The following RWDD1 variants were observed in gnomAD, a reference collection of about 807,000 sequenced individuals.
RWDD1 encodes the protein RWD domain containing 1, also known as RWD domain-containing protein 1.
A neutral mutation model predicts 31.6 loss-of-function variants in RWDD1; 17 were observed. The observed-to-expected ratio is 0.54, with a 90% CI of 0.37 to 0.81. The LOEUF (loss-of-function observed/expected upper bound fraction) is 0.81, where lower values mean the gene tolerates loss of function less well. Among genes scored for constraint, RWDD1 ranks in the 30% least tolerant of loss-of-function variants. The probability of loss-of-function intolerance (pLI) is 0.00; values close to 1 mark genes in which losing one functional copy is unlikely to be tolerated. For synonymous variants in RWDD1, 78 were observed against 94.2 expected, an observed-to-expected ratio of 0.83 and a Z score of 0.99; for missense variants, 204 against 274.5, an observed-to-expected ratio of 0.74 and a Z score of 1.82.
At position 116,590,362 on chromosome 6, in the gene RWDD1, A is replaced by G. The variant is rs766664683; in HGVS notation, c.505A>G (p.Arg169Gly). 4 of 1,595,150 alleles carry G rather than the reference A, an allele frequency of 2.5e-6. No individual in the cohort carries two copies. The highest frequency in any genetic ancestry group is 2.3e-5 in the East Asian group (1 of 44,410). Residue 169 changes from arginine (R) to glycine (G), a missense_variant, in exon 5 of 7, where the codon AGG (arginine) becomes GGG (glycine). Coordinates refer to ENST00000466444, the MANE Select transcript of RWDD1 (RefSeq NM_015952.4). Reference protein sequence around the residue: ...DAELLEIKKKRMKEEEQAGKN... With the variant: ...DAELLEIKKKGMKEEEQAGKN... ...AGAACTCTTGGAAATTAAAAAGAAA[A>G]GGATGAAAGAAGAAGAACAAGCAGG...
In RWDD1 at chr6:116,574,584, G is replaced by T. The variant is rs140677601; in HGVS notation, c.73+2929G>T. Reference sequence around the variant, plus strand: ...CTGTTTTTGACAAATCTTTAATTCTGTCACTTTCACCACCATCTGTCCCCT... The same window carrying T: ...CTGTTTTTGACAAATCTTTAATTCTTTCACTTTCACCACCATCTGTCCCCT... On this transcript the variant is annotated intron_variant, in intron 1 of 6. Coordinates refer to ENST00000466444, the MANE Select transcript of RWDD1 (RefSeq NM_015952.4). Among the ~76,000 whole-genome samples the T allele has an allele frequency of 1.7e-3, 264 of 152,068 alleles. 1 individual carries two copies. The highest frequency in any genetic ancestry group is 3.4e-3 in the Non-Finnish European group (228 of 67,972).
chr6:116,579,256 A>G (rs1360655939), intron 1 of RWDD1, among the ~76,000 whole-genome samples: 3 of 152,188 alleles, frequency 2.0e-5, no homozygotes, highest in African/African-American at 7.2e-5. Flanking sequence ...TCCCATGATT[A>G]CTTCTTCAGT....
Position 116,593,175 on chromosome 6 carries a change from C to CT in RWDD1, c.*77dup. ...CTATGCTCAGAGGGTTATGATTTTC[C>CT]TTTCTTTTTTTCTAAGAAAAAATTA... On this transcript the variant is annotated 3_prime_UTR_variant, in exon 7 of 7. Coordinates refer to ENST00000466444, the MANE Select transcript of RWDD1 (RefSeq NM_015952.4). 1.4e-6 allele frequency: 2 copies of CT among 1,398,260 alleles called. No individual in the cohort carries two copies. Among genetic ancestry groups the CT allele is most frequent in the Non-Finnish European group, 1.9e-6 (2 of 1,053,908 alleles). 86.6% of individuals were successfully genotyped at this position (1,398,260 alleles called of 1,614,324 possible). A position where few individuals can be genotyped will look rare whatever the true frequency, so the allele number is the denominator to read the frequency against.
Position 116,588,845 on chromosome 6 carries a change from G to A in RWDD1, c.274G>A (p.Glu92Lys). The A allele has an allele frequency of 1.3e-6, 2 of 1,537,914 alleles. No individual in the cohort carries two copies. The highest frequency in any genetic ancestry group is 8.7e-7 in the Non-Finnish European group (1 of 1,152,438). The stretch of plus-strand genomic sequence containing the variant: ...ATCACCTTTTTGTGTTACACAGGCT[G>A]AAGAAAATCTTGGTATGGTGATGAT... Reference protein sequence around the residue: ...DILKLLALQAEENLGMVMIFT... With the variant: ...DILKLLALQAKENLGMVMIFT... The change falls in exon 4 of 7, where the codon GAA becomes AAA. Residue 92 changes from glutamate (E) to lysine (K), a missense_variant. Coordinates refer to ENST00000466444, the MANE Select transcript of RWDD1 (RefSeq NM_015952.4).
Position 116,590,879 on chromosome 6 carries a change from T to C in RWDD1, c.548-9T>C. On this transcript the variant is annotated splice_polypyrimidine_tract_variant and intron_variant, in intron 5 of 6. Coordinates refer to ENST00000466444, the MANE Select transcript of RWDD1 (RefSeq NM_015952.4). Reference sequence around the variant, plus strand: ...ATTTGAATTAAACATACTTTTTTTTTTTTTTTAGGGAAACAACTATTTGAA... The same window carrying C: ...ATTTGAATTAAACATACTTTTTTTTCTTTTTTAGGGAAACAACTATTTGAA... 1 of 1,565,152 alleles carries C rather than the reference T, an allele frequency of 6.4e-7. No individual in the cohort carries two copies.
At chr6:116,574,039 C>T (rs1774793109) in intron 1 of RWDD1, 1 of 970,802 alleles carries the variant, frequency 1.0e-6, no homozygotes, top group African/African-American at 1.8e-5. Context: ...ACAATTTCTT[C>T]TTTTTGCCTA....
chr6:116,591,838 G>A (rs1004190861), intron 6 of RWDD1, among the ~76,000 whole-genome samples: 1 of 152,370 alleles, frequency 6.6e-6, no homozygotes, highest in African/African-American at 2.4e-5. Context: ...TGGATTACCT[G>A]CTGAAGAAGG....
intron 1 of RWDD1, among the ~76,000 whole-genome samples, chr6:116,575,750 CA>C (rs1174050371): frequency 1.3e-5 from 2 of 152,210 alleles, no homozygotes; most frequent in Non-Finnish European, 2.9e-5. Flanking sequence ...CTCAGGGACA[CA>C]TCTTCTAATG....
At chr6:116,586,564 T>G (rs1227561471) in intron 3 of RWDD1, among the ~76,000 whole-genome samples, 2 of 152,188 alleles carry the variant, frequency 1.3e-5, no homozygotes, top group Non-Finnish European at 2.9e-5. Flanking sequence ...ACAGTTGTCT[T>G]TCATTTTTGC....
At chr6:116,583,467 A>T (rs1352876250) in intron 2 of RWDD1, among the ~76,000 whole-genome samples, 2 of 152,186 alleles carry the variant, frequency 1.3e-5, no homozygotes, top group Non-Finnish European at 2.9e-5. Context: ...ATAATTAATT[A>T]TAGATAATAC....
At chr6:116,573,107 G>A (rs1264252027) in intron 1 of RWDD1, 1 of 566,816 alleles carries the variant, frequency 1.8e-6, no homozygotes, top group African/African-American at 2.0e-5. Flanking sequence ...CCAGTACTTT[G>A]GAAACATACT....
Position 116,590,868 on chromosome 6 carries a change from T to C in RWDD1, c.548-20T>C. On this transcript the variant is annotated intron_variant, in intron 5 of 6. Coordinates refer to ENST00000466444, the MANE Select transcript of RWDD1 (RefSeq NM_015952.4). Reference sequence around the variant, plus strand: ...AAAACTATGCCATTTGAATTAAACATACTTTTTTTTTTTTTTTAGGGAAAC... The same window carrying C: ...AAAACTATGCCATTTGAATTAAACACACTTTTTTTTTTTTTTTAGGGAAAC... 1 of 1,550,458 alleles carries C rather than the reference T, an allele frequency of 6.4e-7. No individual in the cohort carries two copies. Among genetic ancestry groups the C allele is most frequent in the Non-Finnish European group, 8.6e-7 (1 of 1,157,800 alleles).
chr6:116,592,644 C>T (rs1343031419), intron 6 of RWDD1, among the ~76,000 whole-genome samples: 2 of 152,204 alleles, frequency 1.3e-5, no homozygotes, highest in East Asian at 3.8e-4. Context: ...ACTCCTCATA[C>T]AGGTCCCATG....
chr6:116,590,507 A>C (rs996999472), intron 5 of RWDD1, 103 bp downstream of exon 5: 7 of 1,370,932 alleles, frequency 5.1e-6, no homozygotes, highest in Non-Finnish European at 6.8e-6. Flanking sequence ...AATAATATAC[A>C]TAGGCATCTA....
At chr6:116,577,260 C>T (rs1044334343) in intron 1 of RWDD1, among the ~76,000 whole-genome samples, 1 of 152,152 alleles carries the variant, frequency 6.6e-6, no homozygotes, top group Non-Finnish European at 1.5e-5. Context: ...AATAATTCTT[C>T]ATATGCTCTT....
intron 3 of RWDD1, among the ~76,000 whole-genome samples, chr6:116,585,516 G>C (rs1460525844): frequency 1.7e-4 from 26 of 152,102 alleles, no homozygotes; most frequent in East Asian, 1.9e-4. Flanking sequence ...AGAGTAGGGA[G>C]GGGGGTAAAA....
chr6:116,584,869 A>G lies in RWDD1; in HGVS notation c.270+12A>G, dbSNP rs1177507856. The G allele has an allele frequency of 6.4e-7, 1 of 1,553,070 alleles. No individual in the cohort carries two copies. Among genetic ancestry groups the G allele is most frequent in the East Asian group, 2.3e-5 (1 of 44,428 alleles). On this transcript the variant is annotated intron_variant, in intron 3 of 6. Coordinates refer to ENST00000466444, the MANE Select transcript of RWDD1 (RefSeq NM_015952.4). ...TACTAGCATTACAGGTAAGGAAATA[A>G]TAATTTTATGTTTTGTAGCAGCATT...
rs1163525763 is a variant in RWDD1, at chr6:116,580,287, T to G, written c.74-8T>G. ...ATTTCAATAACTTCTGTGTGTATTT[T>G]CTTGCAGTATTATCAGAAAATCCAC... On this transcript the variant is annotated splice_region_variant and splice_polypyrimidine_tract_variant and intron_variant, in intron 1 of 6. Coordinates refer to ENST00000466444, the MANE Select transcript of RWDD1 (RefSeq NM_015952.4). The G allele has an allele frequency of 6.3e-7, 1 of 1,592,362 alleles. No individual in the cohort carries two copies. Among genetic ancestry groups the G allele is most frequent in the African/African-American group, 1.3e-5 (1 of 74,554 alleles).
At chr6:116,583,290 C>T (rs1774979870) in intron 2 of RWDD1, among the ~76,000 whole-genome samples, 1 of 152,056 alleles carries the variant, frequency 6.6e-6, no homozygotes, top group African/African-American at 2.4e-5. Flanking sequence ...TTCCATTTTC[C>T]TTTGTCTCAA....
Sources: allele counts gnomAD v4.1 joint callset (sites outside exome capture counted in the v4.1 genomes callset), GRCh38; gene constraint gnomAD v4.1.1; transcripts MANE v1.5; gene names NCBI Gene and HGNC (gene_info 2026-07-23, HGNC 2026-07-21).